Variants in THSD7B observed in about 807,000 individuals in gnomAD.
The protein encoded by THSD7B is thrombospondin type-1 domain-containing protein 7B.
A neutral mutation model predicts 213.6 loss-of-function variants in THSD7B; 138 were observed. The observed-to-expected ratio is 0.65, with a 90% CI of 0.56 to 0.74. The LOEUF (loss-of-function observed/expected upper bound fraction) is 0.74, where lower values mean the gene tolerates loss of function less well. Among genes scored for constraint, THSD7B ranks in the 30% least tolerant of loss-of-function variants. THSD7B has a pLI of 0.00. For synonymous variants in THSD7B, 742 were observed against 687.0 expected, an observed-to-expected ratio of 1.08 and a Z score of -1.25; for missense variants, 1,931 against 1,991.5, an observed-to-expected ratio of 0.97 and a Z score of 0.58.
intron 20 of THSD7B, among the ~76,000 whole-genome samples, chr2:137,629,668 GA>G (rs2104850926): frequency 6.6e-6 from 1 of 152,310 alleles, no homozygotes; most frequent in South Asian, 2.1e-4. Flanking sequence ...CCAAGGCACA[GA>G]AGGACTAGGG....
rs1687905230 is a variant in THSD7B at position 137,089,326 on chromosome 2, G to GTGTGTGTATATGTATATATACATATA, written c.951-5539_951-5514dup. On this transcript the variant is annotated intron_variant, in intron 3 of 27. Transcript: ENST00000409968. Reference sequence around the variant, plus strand: ...TGTGTATATGTATATATACATATATGTGTGTGTATATGTATATATACATAT... The same window carrying GTGTGTGTATATGTATATATACATATA: ...TGTGTATATGTATATATACATATATGTGTGTGTATATGTATATATACATATATGTGTGTATATGTATATATACATAT... 4.9e-5 allele frequency among the ~76,000 whole-genome samples: 7 copies of GTGTGTGTATATGTATATATACATATA among 143,680 alleles called. No homozygotes were observed. In the Admixed American group the frequency reaches 4.9e-4, roughly 10 times the overall value. The allele number at this position is 143,680 out of a possible 152,430, so 94.3% of individuals were successfully genotyped here.
At chr2:137,414,424 A>T (rs978511815) in intron 14 of THSD7B, among the ~76,000 whole-genome samples, 1 of 152,110 alleles carries the variant, frequency 6.6e-6, no homozygotes, top group African/African-American at 2.4e-5. Flanking sequence ...ATATATATCC[A>T]TCCATGAATT....
chr2:136,989,163 G>A (rs1434905732), intron 2 of THSD7B, among the ~76,000 whole-genome samples: 1 of 152,174 alleles, frequency 6.6e-6, no homozygotes, highest in Non-Finnish European at 1.5e-5. Context: ...GGTATTCCCA[G>A]TAGAAGGAAG....
chr2:137,260,824 T>C (rs1456840202), intron 10 of THSD7B, among the ~76,000 whole-genome samples: 1 of 152,166 alleles, frequency 6.6e-6, no homozygotes, highest in African/African-American at 2.4e-5. Flanking sequence ...CAGTTTCCTA[T>C]ATTGTTGGAA....
At chr2:136,875,653 A>G (rs1378832963) in intron 1 of THSD7B, among the ~76,000 whole-genome samples, 10 of 152,154 alleles carry the variant, frequency 6.6e-5, no homozygotes, top group Admixed American at 6.5e-4. Context: ...TAGTTTCTCC[A>G]AGCCACTCTA....
At chr2:137,591,031 GTCTT>G (rs1681855734) in intron 17 of THSD7B, among the ~76,000 whole-genome samples, 3 of 151,390 alleles carry the variant, frequency 2.0e-5, no homozygotes, top group Non-Finnish European at 3.0e-5. Context: ...TTGTGGAAGA[GTCTT>G]TCTAATTTTA....
At position 137,676,468 on chromosome 2, in the gene THSD7B, G is replaced by A. The variant is rs572006081; in HGVS notation, c.4740-56G>A. 5 of 1,462,410 alleles carry A rather than the reference G, an allele frequency of 3.4e-6. No homozygotes were observed. The African/African-American group carries it at 5.8e-5, about 17-fold the overall frequency. The allele number at this position is 1,462,410 out of a possible 1,614,324, so 90.6% of individuals were successfully genotyped here. ...CTGTATCTCAAAATTGTCTTTGGCA[G>A]ATGAAACAGAGCTCTATGAACTTAC... is the stretch of plus-strand genomic sequence containing the variant. On this transcript the variant is annotated intron_variant, in intron 27 of 27. Transcript: ENST00000409968.
Position 137,442,858 on chromosome 2 carries a change from C to T in THSD7B, c.2960-7987C>T, listed in dbSNP as rs1687447581. On this transcript the variant is annotated intron_variant, in intron 14 of 27. Coordinates refer to ENST00000409968, the MANE Select transcript of THSD7B (RefSeq NM_001316349.2). ...GGTGTAGTTTAAGGTGAAATTCTCT[C>T]AAGGCAAGAAGATGTAATGAGAAGA... Among the ~76,000 whole-genome samples, 4 of 152,026 alleles carry T rather than the reference C, an allele frequency of 2.6e-5. No individual in the cohort carries two copies. The South Asian group carries it at 8.3e-4, about 31-fold the overall frequency.
chr2:137,411,548 A>T, intron 13 of THSD7B, 61 bp from the exon 14 acceptor site: 1 of 1,438,106 alleles, frequency 7.0e-7, no homozygotes, highest in South Asian at 1.3e-5. Flanking sequence ...CAAAAGTGTG[A>T]GTGACTTTTA....
chr2:137,583,459 T>C, intron 17 of THSD7B, among the ~76,000 whole-genome samples: 1 of 152,244 alleles, frequency 6.6e-6, no homozygotes, highest in Non-Finnish European at 1.5e-5. Flanking sequence ...TTCTAGGGTT[T>C]TTATGGTTTT....
chr2:137,097,286 T>A (rs1688055556), intron 4 of THSD7B, among the ~76,000 whole-genome samples: 1 of 152,210 alleles, frequency 6.6e-6, no homozygotes, highest in African/African-American at 2.4e-5. Context: ...TTCCTGTCAA[T>A]GCTAAGAAAA....
intron 5 of THSD7B, among the ~76,000 whole-genome samples, chr2:137,144,557 T>G (rs1679654551): frequency 6.6e-6 from 1 of 152,020 alleles, no homozygotes; most frequent in Non-Finnish European, 1.5e-5. Context: ...AATATCTACA[T>G]AGTCTACAGA....
intron 6 of THSD7B, 145 bp downstream of exon 6, chr2:137,160,513 T>G: frequency 9.2e-7 from 1 of 1,086,552 alleles, no homozygotes; most frequent in Middle Eastern, 2.0e-4. Flanking sequence ...TATTCAGTTT[T>G]AGGGAGGCAA....
At chr2:137,246,348 C>G (rs573314160) in intron 10 of THSD7B, among the ~76,000 whole-genome samples, 4 of 152,242 alleles carry the variant, frequency 2.6e-5, no homozygotes, top group East Asian at 1.9e-4. Context: ...GGATCCTACT[C>G]TAATACATTC....
At position 137,642,245 on chromosome 2, in the gene THSD7B, T is replaced by A. The variant is rs143386285; in HGVS notation, c.3800-243T>A. The A allele has an allele frequency of 9.4e-6, 4 of 425,242 alleles. No individual in the cohort carries two copies. In the East Asian group the frequency reaches 1.3e-4, roughly 14 times the overall value. The allele number at this position is 425,242 out of a possible 1,614,324, so 26.3% of individuals were successfully genotyped here. A position where few individuals can be genotyped will look rare whatever the true frequency, so the allele number is the denominator to read the frequency against. The stretch of plus-strand genomic sequence containing the variant: ...AGTCTACTTGGCAACAATAGAACGT[T>A]TGTACTTTGAAGACTAAAAGAAGTA... On this transcript the variant is annotated intron_variant, in intron 20 of 27. Coordinates refer to ENST00000409968, the MANE Select transcript of THSD7B (RefSeq NM_001316349.2).
chr2:136,927,833 G>T (rs474471), intron 2 of THSD7B, among the ~76,000 whole-genome samples: 74,423 of 152,004 alleles, frequency 0.49, 19,252 homozygotes, highest in Non-Finnish European at 0.58. Flanking sequence ...ACTAGTTACT[G>T]CACAACAGTT....
chr2:137,210,370 A>C (rs1007867998), intron 7 of THSD7B, among the ~76,000 whole-genome samples: 2 of 152,078 alleles, frequency 1.3e-5, no homozygotes, highest in African/African-American at 4.8e-5. Flanking sequence ...TGTGGAGTTG[A>C]AAAAAATGTA....
At chr2:136,936,822 A>AT (rs1684741644) in intron 2 of THSD7B, among the ~76,000 whole-genome samples, 1 of 120,354 alleles carries the variant, frequency 8.3e-6, no homozygotes. Context: ...CTATGGAAAT[A>AT]ATTTTTTTTA....
intron 2 of THSD7B, among the ~76,000 whole-genome samples, chr2:137,014,563 A>G (rs1470155092): frequency 1.3e-5 from 2 of 152,156 alleles, no homozygotes; most frequent in Non-Finnish European, 2.9e-5. Flanking sequence ...CAACATTGTC[A>G]GCCTGGGATT....
Sources: gnomAD v4.1 joint callset for allele counts (sites outside exome capture counted in the v4.1 genomes callset) on GRCh38, gnomAD v4.1.1 for gene constraint, MANE v1.5 for transcripts, NCBI Gene and HGNC (gene_info 2026-07-23, HGNC 2026-07-21) for gene names.